Variants in FMN2 observed in about 807,000 individuals in gnomAD.
The protein encoded by FMN2 is formin-2.
Under a neutral mutation model 142.3 loss-of-function variants are expected in FMN2, and 51 were observed. The ratio of observed to expected loss-of-function variants is 0.36; its 90% CI spans 0.29 to 0.45. The LOEUF is 0.45. Among genes scored for constraint, FMN2 ranks in the 20% least tolerant of loss-of-function variants. The pLI, the probability that FMN2 is intolerant of heterozygous loss-of-function variation, is 1.00. For synonymous variants in FMN2, 882 were observed against 869.8 expected (o/e 1.01, Z -0.25); for missense variants, 1,936 against 2,122.8 (o/e 0.91, Z 1.73).
At chr1:240,448,400 C>G (rs944378854) in intron 16 of FMN2, among the ~76,000 whole-genome samples, 9 of 152,104 alleles carry the variant, frequency 5.9e-5, no homozygotes, top group African/African-American at 2.2e-4. Flanking sequence ...GTGTTTTGAA[C>G]AATTATTCAT....
chr1:240,394,078 G>GA (rs773930076), intron 15 of FMN2, among the ~76,000 whole-genome samples: 30 of 152,202 alleles, frequency 2.0e-4, no homozygotes, highest in Non-Finnish European at 3.7e-4. Context: ...GGGTAAGGAA[G>GA]AGGAGGTACT....
chr1:240,192,450 A>G (rs966407348), intron 4 of FMN2, among the ~76,000 whole-genome samples: 17 of 152,216 alleles, frequency 1.1e-4, no homozygotes, highest in African/African-American at 3.9e-4. Context: ...AACATTGTTG[A>G]GTATGAGGTC....
chr1:240,207,146 G>A lies in FMN2; in HGVS notation c.2334G>A (p.Gln778=), dbSNP rs778586556. 1.4e-5 allele frequency: 22 copies of A among 1,614,084 alleles called. No homozygotes were observed. Among genetic ancestry groups the A allele is most frequent in the Non-Finnish European group, 1.9e-5 (22 of 1,179,984 alleles). Residue 778 remains glutamine (Q), a synonymous_variant, in exon 5 of 18, where the codon CAG becomes CAA. Coordinates refer to ENST00000319653, the MANE Select transcript of FMN2 (RefSeq NM_020066.5). The part of the protein sequence containing the change: ...PCPPGAESGP[Q]TKFCSEISLI... ...CCCCTGGGGCTGAAAGTGGACCTCAGACAAAGTTCTGTTCAGAGATTTCTT... is the reference window on the plus strand; with the variant it reads ...CCCCTGGGGCTGAAAGTGGACCTCAAACAAAGTTCTGTTCAGAGATTTCTT...
intron 2 of FMN2, among the ~76,000 whole-genome samples, chr1:240,154,931 G>C (rs1039963137): frequency 1.4e-5 from 2 of 141,002 alleles, no homozygotes; most frequent in African/African-American, 5.3e-5. Flanking sequence ...CTGTCGTCCA[G>C]GCTGGAGTGC....
At chr1:240,413,120 C>CAAAAAAAAAAAAAAAAAAA (rs35590068) in intron 15 of FMN2, among the ~76,000 whole-genome samples, 1 of 24,566 alleles carries the variant, frequency 4.1e-5, no homozygotes. Context: ...GAGACTCTGT[C>CAAAAAAAAAAAAAAAAAAA]AAAAAAAAAA....
intron 6 of FMN2, among the ~76,000 whole-genome samples, chr1:240,241,957 T>C (rs1218419375): frequency 6.6e-6 from 1 of 150,584 alleles, no homozygotes; most frequent in Non-Finnish European, 1.5e-5. Flanking sequence ...GCCATTCTCC[T>C]GCCTCAGCCT....
At chr1:240,202,690 C>G (rs1411099076) in intron 4 of FMN2, among the ~76,000 whole-genome samples, 1 of 152,098 alleles carries the variant, frequency 6.6e-6, no homozygotes, top group Non-Finnish European at 1.5e-5. Flanking sequence ...TCTCGAACTC[C>G]TGGCTTCAAG....
At chr1:240,436,065 A>G (rs1420539349) in intron 15 of FMN2, among the ~76,000 whole-genome samples, 1 of 152,184 alleles carries the variant, frequency 6.6e-6, no homozygotes, top group Non-Finnish European at 1.5e-5. Flanking sequence ...AATATGACCC[A>G]GATATGTCTT....
At chr1:240,450,191 C>T (rs915059779) in intron 16 of FMN2, among the ~76,000 whole-genome samples, 2 of 152,072 alleles carry the variant, frequency 1.3e-5, no homozygotes, top group Non-Finnish European at 2.9e-5. Flanking sequence ...AACAGCATTA[C>T]AGCTAATATA....
chr1:240,130,469 A>AT (rs1662690251), intron 2 of FMN2, among the ~76,000 whole-genome samples: 2 of 152,006 alleles, frequency 1.3e-5, no homozygotes, highest in Non-Finnish European at 2.9e-5. Context: ...CGCCCGGCTA[A>AT]TTTTTTGTAT....
chr1:240,277,074 T>C (rs1669240318), intron 7 of FMN2, among the ~76,000 whole-genome samples: 1 of 152,202 alleles, frequency 6.6e-6, no homozygotes, highest in African/African-American at 2.4e-5. Context: ...ACATAAACAA[T>C]AGCGGCTTTC....
chr1:240,193,597 G>A (rs1450800085), intron 4 of FMN2, among the ~76,000 whole-genome samples: 1 of 152,226 alleles, frequency 6.6e-6, no homozygotes, highest in Non-Finnish European at 1.5e-5. Context: ...CTGGGTGTGG[G>A]GCCAGGGAGA....
At chr1:240,257,487 C>T (rs1386197502) in intron 6 of FMN2, among the ~76,000 whole-genome samples, 1 of 152,202 alleles carries the variant, frequency 6.6e-6, no homozygotes, top group African/African-American at 2.4e-5. Flanking sequence ...ACTAATCTAG[C>T]AGATTCTCTA....
chr1:240,467,608 A>G (rs997261268), intron 16 of FMN2, among the ~76,000 whole-genome samples: 1 of 152,150 alleles, frequency 6.6e-6, no homozygotes, highest in Non-Finnish European at 1.5e-5. Context: ...TTGTTTCAAG[A>G]AAGACTATTC....
At chr1:240,295,210 ACACAC>A (rs1558417679) in intron 8 of FMN2, among the ~76,000 whole-genome samples, 8 of 120,136 alleles carry the variant, frequency 6.7e-5, no homozygotes, top group Non-Finnish European at 1.5e-4. Context: ...ACACACACAC[ACACAC>A]ACACACACAC....
chr1:240,166,853 G>A (rs532112778), intron 2 of FMN2, among the ~76,000 whole-genome samples: 2 of 152,204 alleles, frequency 1.3e-5, no homozygotes, highest in Non-Finnish European at 2.9e-5. Flanking sequence ...TGGGCGCAGC[G>A]GCTCACGCCT....
chr1:240,347,488 T>C (rs898321704), intron 13 of FMN2, among the ~76,000 whole-genome samples: 2 of 152,206 alleles, frequency 1.3e-5, no homozygotes, highest in Non-Finnish European at 2.9e-5. Flanking sequence ...AGAATCTCCA[T>C]GTGAGCTTTC....
At chr1:240,164,841 A>C (rs999840764) in intron 2 of FMN2, among the ~76,000 whole-genome samples, 5 of 152,018 alleles carry the variant, frequency 3.3e-5, no homozygotes, top group African/African-American at 1.2e-4. Context: ...ACTTTCTTTC[A>C]TTTTATGTTT....
chr1:240,325,672 A>G (rs953657855), intron 8 of FMN2, among the ~76,000 whole-genome samples: 18 of 152,204 alleles, frequency 1.2e-4, no homozygotes, highest in African/African-American at 4.1e-4. Context: ...GAACAAGGCA[A>G]TGTTCTGCCT....
Sources: allele counts gnomAD v4.1 joint callset (sites outside exome capture counted in the v4.1 genomes callset), GRCh38; gene constraint gnomAD v4.1.1; transcripts MANE v1.5; gene names NCBI Gene and HGNC (gene_info 2026-07-23, HGNC 2026-07-21).